NET1: variants seen among roughly 807,000 people sequenced by gnomAD.
NET1 encodes the protein neuroepithelial cell transforming 1, also known as neuroepithelial cell-transforming gene 1 protein.
In NET1, 42 loss-of-function variants were observed where a neutral mutation model predicts 61.1. The ratio of observed to expected loss-of-function variants is 0.69; its 90% CI spans 0.54 to 0.89. The LOEUF is 0.89. NET1 is among the 40% of genes least tolerant of loss of function. The pLI is 0.00. For synonymous variants in NET1, 254 were observed against 281.8 expected (o/e 0.90, Z 0.99); for missense variants, 654 against 747.3 (o/e 0.88, Z 1.46).
At chr10:5,428,370 A>G (rs1433496995) in intron 2 of NET1, among the ~76,000 whole-genome samples, 1 of 152,090 alleles carries the variant, frequency 6.6e-6, no homozygotes, top group Non-Finnish European at 1.5e-5. Flanking sequence ...CTCCAGGGAC[A>G]TGGCTGTTCA....
At chr10:5,429,360 A>C (rs1160989226) in intron 3 of NET1, 131 bp downstream of exon 3, 32 of 635,070 alleles carry the variant, frequency 5.0e-5, no homozygotes, top group Non-Finnish European at 1.4e-5. Flanking sequence ...TTGTAAGTGC[A>C]AAAGTGAATA....
chr10:5,435,912 G>A lies in NET1; in HGVS notation c.255+6683G>A, dbSNP rs1005920469. On this transcript the variant is annotated intron_variant, in intron 3 of 11. Coordinates refer to ENST00000355029, the MANE Select transcript of NET1 (RefSeq NM_001047160.3). The surrounding 1 kb of genome is among the most constrained non-coding windows in gnomAD (Gnocchi z 5.0). ...CCAAATGTGTTTCTCAGCTGTGTAT[G>A]TTAGCAACTACAATCTTTCCTTTTT... is the stretch of plus-strand genomic sequence containing the variant. Among the ~76,000 whole-genome samples the A allele has an allele frequency of 6.6e-6, 1 of 151,846 alleles. No individual in the cohort carries two copies. The highest frequency in any genetic ancestry group is 2.4e-5 in the African/African-American group (1 of 41,346).
intron 1 of NET1, among the ~76,000 whole-genome samples, chr10:5,418,199 G>T (rs1164732630): frequency 2.0e-5 from 3 of 151,366 alleles, no homozygotes; most frequent in Admixed American, 2.0e-4. Context: ...CTACTGTTTT[G>T]TTTTTTTTGA....
In NET1 at chr10:5,452,079, AT is replaced by A; in HGVS notation, c.363+144del. 1 of 645,022 alleles carries A rather than the reference AT, an allele frequency of 1.6e-6. No homozygotes were observed. The highest frequency in any genetic ancestry group is 2.6e-6 in the Non-Finnish European group (1 of 391,214). 40.0% of individuals were successfully genotyped at this position (645,022 alleles called of 1,614,324 possible). A position where few individuals can be genotyped will look rare whatever the true frequency, so the allele number is the denominator to read the frequency against. ...TTTTTGGAATATGCTAGTAAGGAAT[AT>A]TGTTCCAGAACAATGTGTAGCCTCA... On this transcript the variant is annotated intron_variant, in intron 4 of 11. Transcript: ENST00000355029. The surrounding 1 kb of genome is among the most constrained non-coding windows in gnomAD (Gnocchi z 4.0).
rs1337772076 is a variant in NET1, at chr10:5,452,543, G to A, written c.531+18G>A. On this transcript the variant is annotated intron_variant, in intron 5 of 11. Coordinates refer to ENST00000355029, the MANE Select transcript of NET1 (RefSeq NM_001047160.3). The surrounding 1 kb of genome is among the most constrained non-coding windows in gnomAD (Gnocchi z 4.0). ...GGCAGGAGGTATGCTGGCACTCAGT[G>A]TACATGTTTTCCCAAAAGAACAGCA... 6.3e-7 allele frequency: 1 copy of A among 1,579,438 alleles called. No individual in the cohort carries two copies. The highest frequency in any genetic ancestry group is 1.4e-5 in the African/African-American group (1 of 73,462).
chr10:5,444,990 C>G lies in NET1; in HGVS notation c.256-6840C>G, dbSNP rs1832583514. On this transcript the variant is annotated intron_variant, in intron 3 of 11. Transcript: ENST00000355029. The surrounding 1 kb of genome is among the most constrained non-coding windows in gnomAD (Gnocchi z 5.3). ...GTGACTTCTTGCTTATATCCTTTTC[C>G]TTCTTCCCTACTGGTCCTACTTTAG... is the stretch of plus-strand genomic sequence containing the variant. 6.6e-6 allele frequency among the ~76,000 whole-genome samples: 1 copy of G among 152,194 alleles called. No individual in the cohort carries two copies. The highest frequency in any genetic ancestry group is 2.4e-5 in the African/African-American group (1 of 41,448).
chr10:5,425,217 C>T (rs1832240826), intron 1 of NET1, among the ~76,000 whole-genome samples: 1 of 152,154 alleles, frequency 6.6e-6, no homozygotes, highest in East Asian at 1.9e-4. Flanking sequence ...CAGACCTCCT[C>T]TTTTACCTTA....
At chr10:5,436,216 G>GCA (rs1166785576) in intron 3 of NET1, among the ~76,000 whole-genome samples, 107 of 38,054 alleles carry the variant, frequency 2.8e-3, no homozygotes, top group Non-Finnish European at 3.2e-3. Context: ...GTGTGTGTGT[G>GCA]TGTGTGTGCA....
At position 5,422,157 on chromosome 10, in the gene NET1, A is replaced by G. The variant is rs965732449; in HGVS notation, c.129-4498A>G. Among the ~76,000 whole-genome samples the G allele has an allele frequency of 1.1e-4, 17 of 152,200 alleles. No homozygotes were observed. Among genetic ancestry groups the G allele is most frequent in the African/African-American group, 3.9e-4 (16 of 41,456 alleles). ...CAGGAGTTCGAGACCAGCCTGGTCA[A>G]CATGGCCTGTCTCTACTAAAAATAT... On this transcript the variant is annotated intron_variant, in intron 1 of 11. Transcript: ENST00000355029. This position sits in a 1 kb window ranked among gnomAD's most constrained non-coding sequence, Gnocchi z 4.1.
rs1482534994 is a variant in NET1 at position 5,446,114 on chromosome 10, C to G, written c.256-5716C>G. Among the ~76,000 whole-genome samples the G allele has an allele frequency of 6.6e-6, 1 of 152,028 alleles. No individual in the cohort carries two copies. Among genetic ancestry groups the G allele is most frequent in the African/African-American group, 2.4e-5 (1 of 41,372 alleles). Reference sequence around the variant, plus strand: ...ACAGAAGTGCACCTGCTGTATTTACCCTGCTAGTCTTAAGAAAAAGTGGGA... The same window carrying G: ...ACAGAAGTGCACCTGCTGTATTTACGCTGCTAGTCTTAAGAAAAAGTGGGA... On this transcript the variant is annotated intron_variant, in intron 3 of 11. Transcript: ENST00000355029. This position sits in a 1 kb window ranked among gnomAD's most constrained non-coding sequence, Gnocchi z 5.0.
chr10:5,454,804 T>G lies in NET1; in HGVS notation c.1027-144T>G. The G allele has an allele frequency of 1.2e-6, 1 of 806,540 alleles. No individual in the cohort carries two copies. Among genetic ancestry groups the G allele is most frequent in the Non-Finnish European group, 1.9e-6 (1 of 518,386 alleles). The allele number at this position is 806,540 out of a possible 1,614,324, so 50.0% of individuals were successfully genotyped here. ...TAGGACTGTTTCTTGATCTATAAAATGAACAGACTGGCAGAATTAACTGAT... is the reference window on the plus strand; with the variant it reads ...TAGGACTGTTTCTTGATCTATAAAAGGAACAGACTGGCAGAATTAACTGAT... On this transcript the variant is annotated intron_variant, in intron 9 of 11. Coordinates refer to ENST00000355029, the MANE Select transcript of NET1 (RefSeq NM_001047160.3). The surrounding 1 kb of genome is among the most constrained non-coding windows in gnomAD (Gnocchi z 8.1).
Position 5,435,524 on chromosome 10 carries a change from GATAGATAGACAGACAGACAGATAGATAGA to G in NET1, c.255+6296_255+6324del. On this transcript the variant is annotated intron_variant, in intron 3 of 11. Transcript: ENST00000355029. The surrounding 1 kb of genome is among the most constrained non-coding windows in gnomAD (Gnocchi z 5.0). ...AGATAGATAGATAGATAGATAGATAGATAGATAGACAGACAGACAGATAGATAGATAGATAGATAAAATAGATACTCCGT... is the reference window on the plus strand; with the variant it reads ...AGATAGATAGATAGATAGATAGATAGTAGATAGATAAAATAGATACTCCGT... 2.6e-4 allele frequency among the ~76,000 whole-genome samples: 1 copy of G among 3,874 alleles called. No individual in the cohort carries two copies. Among genetic ancestry groups the G allele is most frequent in the African/African-American group, 6.1e-4 (1 of 1,628 alleles). 2.5% of individuals were successfully genotyped at this position (3,874 alleles called of 152,430 possible). A position where few individuals can be genotyped will look rare whatever the true frequency, so the allele number is the denominator to read the frequency against.
rs1832816167 is a variant in NET1 at position 5,457,084 on chromosome 10, T to TACAACTGGTATAAAGGGGAGCATCA, written c.*92_*93insAACTGGTATAAAGGGGAGCATCAAC. ...TCTCGTAAGGGGAGCATCATAGGGT[T>TACAACTGGTATAAAGGGGAGCATCA]ACTTTATACCAGTTGTAACATTTTC... On this transcript the variant is annotated 3_prime_UTR_variant, in exon 12 of 12. Coordinates refer to ENST00000355029, the MANE Select transcript of NET1 (RefSeq NM_001047160.3). This position sits in a 1 kb window ranked among gnomAD's most constrained non-coding sequence, Gnocchi z 5.4. 38 of 1,288,944 alleles carry TACAACTGGTATAAAGGGGAGCATCA rather than the reference T, an allele frequency of 2.9e-5. No homozygotes were observed. Among genetic ancestry groups the TACAACTGGTATAAAGGGGAGCATCA allele is most frequent in the Non-Finnish European group, 3.8e-5 (36 of 956,242 alleles). 79.8% of individuals were successfully genotyped at this position (1,288,944 alleles called of 1,614,324 possible). A position where few individuals can be genotyped will look rare whatever the true frequency, so the allele number is the denominator to read the frequency against.
chr10:5,413,794 G>A (rs1406839484), intron 1 of NET1, among the ~76,000 whole-genome samples: 2 of 152,118 alleles, frequency 1.3e-5, no homozygotes, highest in East Asian at 1.9e-4. Flanking sequence ...TGTGCGATTT[G>A]TTCAGAAAAT....
In NET1 at chr10:5,426,753, C is replaced by A; in HGVS notation, c.195+32C>A. Reference sequence around the variant, plus strand: ...AGATACCTGGGTTTTTATTTCGAGACATTAGATAGAATTAATTCCCTGGTT... The same window carrying A: ...AGATACCTGGGTTTTTATTTCGAGAAATTAGATAGAATTAATTCCCTGGTT... On this transcript the variant is annotated intron_variant, in intron 2 of 11. Coordinates refer to ENST00000355029, the MANE Select transcript of NET1 (RefSeq NM_001047160.3). The surrounding 1 kb of genome is among the most constrained non-coding windows in gnomAD (Gnocchi z 4.6). 1 of 1,454,802 alleles carries A rather than the reference C, an allele frequency of 6.9e-7. No homozygotes were observed. The highest frequency in any genetic ancestry group is 9.5e-7 in the Non-Finnish European group (1 of 1,057,234). The allele number at this position is 1,454,802 out of a possible 1,614,324, so 90.1% of individuals were successfully genotyped here.
chr10:5,418,812 A>G (rs1360186602), intron 1 of NET1, among the ~76,000 whole-genome samples: 1 of 152,122 alleles, frequency 6.6e-6, no homozygotes, highest in Non-Finnish European at 1.5e-5. Context: ...ACAGCTATAA[A>G]TTTCCCTCTG....
At position 5,422,113 on chromosome 10, in the gene NET1, C is replaced by T. The variant is rs150566588; in HGVS notation, c.129-4542C>T. Among the ~76,000 whole-genome samples the T allele has an allele frequency of 1.0e-3, 159 of 152,190 alleles. 4 individuals are homozygous for T. The East Asian group carries it at 0.016, about 16-fold the overall frequency. ...ATCCCAGCACTTTGGGAGGCCGAGGCGGGTGGATCACCTGAGGTCAGGAGT... is the reference window on the plus strand; with the variant it reads ...ATCCCAGCACTTTGGGAGGCCGAGGTGGGTGGATCACCTGAGGTCAGGAGT... On this transcript the variant is annotated intron_variant, in intron 1 of 11. Transcript: ENST00000355029. The surrounding 1 kb of genome is among the most constrained non-coding windows in gnomAD (Gnocchi z 4.1).
At position 5,454,052 on chromosome 10, in the gene NET1, T is replaced by G. The variant is rs1486359226; in HGVS notation, c.769-213T>G. On this transcript the variant is annotated intron_variant, in intron 8 of 11. Transcript: ENST00000355029. The surrounding 1 kb of genome is among the most constrained non-coding windows in gnomAD (Gnocchi z 8.1). ...GGAGGGGAGTAGAAGTCATGAATCTTCACTTGGATTTAGCCAAATTATGAA... is the reference window on the plus strand; with the variant it reads ...GGAGGGGAGTAGAAGTCATGAATCTGCACTTGGATTTAGCCAAATTATGAA... 2.6e-5 allele frequency among the ~76,000 whole-genome samples: 4 copies of G among 152,190 alleles called. No individual in the cohort carries two copies. The highest frequency in any genetic ancestry group is 2.6e-4 in the Admixed American group (4 of 15,284).
rs1443506812 is a variant in NET1 at position 5,455,122 on chromosome 10, G to C, written c.1197+4G>C. ...GCTGCGGAGCAAGAGTGGACATGTA[G>C]GTGACTTTTGCTGCCGTGGCAGAGC... is the stretch of plus-strand genomic sequence containing the variant. On this transcript the variant is annotated splice_donor_region_variant and intron_variant, in intron 10 of 11. Transcript: ENST00000355029. The surrounding 1 kb of genome is among the most constrained non-coding windows in gnomAD (Gnocchi z 6.5). 5 of 1,612,480 alleles carry C rather than the reference G, an allele frequency of 3.1e-6. No homozygotes were observed. The South Asian group carries it at 5.5e-5, about 18-fold the overall frequency.
Sources: gnomAD v4.1 joint callset for allele counts (sites outside exome capture counted in the v4.1 genomes callset) on GRCh38, gnomAD v4.1.1 for gene constraint, Gnocchi (gnomAD v3.1) non-coding constraint, MANE v1.5 for transcripts, NCBI Gene and HGNC (gene_info 2026-07-23, HGNC 2026-07-21) for gene names.